FDFT1: variants seen among roughly 807,000 people sequenced by gnomAD.
FDFT1 encodes farnesyl-diphosphate farnesyltransferase 1, also known as squalene synthase.
Under a neutral mutation model 46.8 loss-of-function variants are expected in FDFT1, and 68 were observed. The observed-to-expected ratio is 1.45, with a 90% CI of 1.19 to 1.78. The LOEUF is 1.78. Among genes scored for constraint, FDFT1 ranks in the 40% most tolerant of loss-of-function variants. The pLI is 0.00. For missense variants in FDFT1, 928 were observed against 524.4 expected (o/e 1.77, Z -7.52); for synonymous variants, 351 against 185.1 (o/e 1.90, Z -7.28).
rs751902071 is a variant in FDFT1, at chr8:11,809,833, C to T, written c.364C>T (p.Leu122=). 5 of 1,613,316 alleles carry T rather than the reference C, an allele frequency of 3.1e-6. No homozygotes were observed. The highest frequency in any genetic ancestry group is 3.4e-6 in the Non-Finnish European group (4 of 1,179,506). Residue 122 remains leucine (L), a synonymous_variant, in exon 3 of 8, where the codon CTG becomes TTG. Transcript: ENST00000220584. ...MESKEKDRQV[L]EDFPTISLEF... is the part of the protein sequence containing the mutation. ...GAGCAAGGAGAAGGATCGCCAGGTG[C>T]TGGAGGACTTCCCAACGGTGAGTGG...
rs747821827 is a variant in FDFT1 at position 11,830,231 on chromosome 8, C to T, written c.703-13C>T. 10 of 1,608,630 alleles carry T rather than the reference C, an allele frequency of 6.2e-6. No individual in the cohort carries two copies. In the East Asian group the frequency reaches 1.1e-4, roughly 18 times the overall value. On this transcript the variant is annotated splice_polypyrimidine_tract_variant and intron_variant, in intron 5 of 7. Coordinates refer to ENST00000220584, the MANE Select transcript of FDFT1 (RefSeq NM_004462.5). ...ACACGCTGACCTGTTCCTTAATCTT[C>T]TTATCTGTCTAGGTTTGGAGCAGGT...
intron 1 of FDFT1, among the ~76,000 whole-genome samples, chr8:11,805,615 T>A (rs1250661311): frequency 6.6e-6 from 1 of 152,224 alleles, no homozygotes. Context: ...TAACGATTTT[T>A]TAACCACAAC....
rs570973558 is a variant in FDFT1 at position 11,803,211 on chromosome 8, C to T, written c.99+280C>T. The T allele has an allele frequency of 1.3e-4, 181 of 1,408,972 alleles. No individual in the cohort carries two copies. In the South Asian group the frequency reaches 1.8e-3, roughly 14 times the overall value. The allele number at this position is 1,408,972 out of a possible 1,614,324, so 87.3% of individuals were successfully genotyped here. ...CTCCCCGTTTCGTCCCCTCCGTGAG[C>T]ATCGGCGCTTACCGGTATTTTAACC... On this transcript the variant is annotated intron_variant, in intron 1 of 7. Transcript: ENST00000220584.
intron 4 of FDFT1, among the ~76,000 whole-genome samples, chr8:11,824,010 G>A (rs553608500): frequency 6.6e-6 from 1 of 152,054 alleles, no homozygotes; most frequent in Admixed American, 6.5e-5. Context: ...CCTCCCAGGT[G>A]TGAGCCACTA....
At chr8:11,821,025 G>A (rs140841437) in intron 3 of FDFT1, among the ~76,000 whole-genome samples, 2 of 152,186 alleles carry the variant, frequency 1.3e-5, no homozygotes, top group African/African-American at 4.8e-5. Context: ...CTGAGTTTCT[G>A]TTTGTTGCCC....
At chr8:11,830,156 T>C (rs1227855603) in intron 5 of FDFT1, 88 bp from the exon 6 acceptor site, 3 of 1,111,982 alleles carry the variant, frequency 2.7e-6, no homozygotes, top group African/African-American at 1.5e-5. Flanking sequence ...TGTATCATAG[T>C]TCTTATGCAC....
At chr8:11,803,248 C>G in intron 1 of FDFT1, 1 of 1,372,060 alleles carries the variant, frequency 7.3e-7, no homozygotes, top group Non-Finnish European at 9.6e-7. Flanking sequence ...GAGGGTTACA[C>G]ATCTGAGGCA....
chr8:11,813,281 T>G (rs2130756494), intron 3 of FDFT1, among the ~76,000 whole-genome samples: 1 of 152,348 alleles, frequency 6.6e-6, no homozygotes, highest in East Asian at 1.9e-4. Context: ...AGTCTACCTG[T>G]AAACATAGCT....
At chr8:11,801,891 A>G (rs771323085), upstream of FDFT1, 25 of 447,354 alleles carry the variant, frequency 5.6e-5, 1 homozygote, top group South Asian at 3.9e-4. Flanking sequence ...GGGTTTCACC[A>G]TGTTGGCCAG....
upstream of FDFT1, among the ~76,000 whole-genome samples, chr8:11,798,511 C>T (rs1473457616): frequency 6.6e-6 from 1 of 152,146 alleles, no homozygotes; most frequent in African/African-American, 2.4e-5. Flanking sequence ...TTCTTGGACT[C>T]CACAGGACTT....
At chr8:11,814,522 T>C (rs1808175415) in intron 3 of FDFT1, among the ~76,000 whole-genome samples, 1 of 152,204 alleles carries the variant, frequency 6.6e-6, no homozygotes, top group Admixed American at 6.5e-5. Context: ...CTCTTCACTG[T>C]TTGCAGTATT....
intron 4 of FDFT1, 151 bp from the exon 5 acceptor site, chr8:11,825,873 T>A (rs1326262824): frequency 2.3e-6 from 1 of 443,620 alleles, no homozygotes; most frequent in East Asian, 3.4e-5. Context: ...GAATGTTTTT[T>A]AAATCCTGGT....
At chr8:11,819,356 G>C (rs969748915) in intron 3 of FDFT1, among the ~76,000 whole-genome samples, 2 of 152,142 alleles carry the variant, frequency 1.3e-5, no homozygotes, top group Non-Finnish European at 2.9e-5. Context: ...GAATATCTTT[G>C]TGGTGTTCTC....
chr8:11,803,057 C>G (rs959748943), intron 1 of FDFT1, 126 bp downstream of exon 1: 13 of 1,459,326 alleles, frequency 8.9e-6, no homozygotes, highest in Middle Eastern at 2.5e-4. Flanking sequence ...CCTGGGTGTT[C>G]CCGTCCCCCT....
At chr8:11,817,616 G>A (rs918498529) in intron 3 of FDFT1, among the ~76,000 whole-genome samples, 2 of 152,146 alleles carry the variant, frequency 1.3e-5, no homozygotes, top group Admixed American at 6.6e-5. Context: ...GTCGAGGAAT[G>A]TATCCATTTC....
At chr8:11,810,856 G>C (rs1056009474) in intron 3 of FDFT1, among the ~76,000 whole-genome samples, 1 of 151,252 alleles carries the variant, frequency 6.6e-6, no homozygotes, top group Admixed American at 6.6e-5. Flanking sequence ...GCTGAGTTGG[G>C]AGGGAGCTAA....
intron 7 of FDFT1, among the ~76,000 whole-genome samples, chr8:11,837,022 A>G (rs1811632251): frequency 6.7e-6 from 1 of 149,556 alleles, no homozygotes; most frequent in African/African-American, 2.4e-5. Context: ...AGGTAAAGGT[A>G]TGTACAATAG....
upstream of FDFT1, chr8:11,802,368 C>G (rs1163532541): frequency 4.4e-6 from 2 of 450,902 alleles, no homozygotes; most frequent in Admixed American, 2.4e-5. Flanking sequence ...CACTGCTCTC[C>G]CGACTGCGGA....
chr8:11,830,126 G>C, intron 5 of FDFT1, 118 bp from the exon 6 acceptor site: 1 of 846,868 alleles, frequency 1.2e-6, no homozygotes, highest in African/African-American at 1.7e-5. Context: ...GATTACAGGC[G>C]TGAGCCACGG....
Sources: gnomAD v4.1 joint callset for allele counts (sites outside exome capture counted in the v4.1 genomes callset) on GRCh38, gnomAD v4.1.1 for gene constraint, MANE v1.5 for transcripts, NCBI Gene and HGNC (gene_info 2026-07-23, HGNC 2026-07-21) for gene names.